Variants in SULT6B1 observed in about 807,000 individuals in gnomAD.
SULT6B1 encodes the protein sulfotransferase 6B1.
Under a neutral mutation model 37.2 loss-of-function variants are expected in SULT6B1, and 44 were observed. The ratio of observed to expected loss-of-function variants is 1.18; its 90% CI spans 0.93 to 1.52. The LOEUF (loss-of-function observed/expected upper bound fraction) is 1.52, where lower values mean the gene tolerates loss of function less well. Among genes scored for constraint, SULT6B1 ranks in the 40% most tolerant of loss-of-function variants. The pLI, the probability that SULT6B1 is intolerant of heterozygous loss-of-function variation, is 0.00. For synonymous variants in SULT6B1, 140 were observed against 126.0 expected (o/e 1.11, Z -0.74); for missense variants, 450 against 361.0 (o/e 1.25, Z -2.00).
In SULT6B1 at chr2:37,176,872, T is replaced by C. The variant is rs114314810; in HGVS notation, c.530-1646A>G. Among the ~76,000 whole-genome samples the C allele has an allele frequency of 5.8e-3, 881 of 152,284 alleles. 13 individuals are homozygous for C. The highest frequency in any genetic ancestry group is 0.02 in the African/African-American group (845 of 41,554). ...TGCTGGAAGGTTTCTGGCAAAACTA[T>C]TGCTGTGTGGAGCTAAGGAACACAT... is the stretch of plus-strand genomic sequence containing the variant. On this transcript the variant is annotated intron_variant, in intron 4 of 6. Coordinates refer to ENST00000535679, the MANE Select transcript of SULT6B1 (RefSeq NM_001367551.1).
At chr2:37,170,118 T>C (rs767284436) in intron 6 of SULT6B1, among the ~76,000 whole-genome samples, 37 of 152,214 alleles carry the variant, frequency 2.4e-4, no homozygotes, top group Admixed American at 2.4e-3. Context: ...TATGCCTGGC[T>C]TAAAAAAGTC....
In SULT6B1 at chr2:37,183,449, C is replaced by A; in HGVS notation, c.378G>T (p.Gly126=). 1 of 1,614,008 alleles carries A rather than the reference C, an allele frequency of 6.2e-7. No homozygotes were observed. Among genetic ancestry groups the A allele is most frequent in the Non-Finnish European group, 8.5e-7 (1 of 1,179,892 alleles). The stretch of plus-strand genomic sequence containing the variant: ...CCTTGGCTTTATTCTCGAAGATAGA[C>A]CCAGGTAATTTGTCATAGTGGAGGT... ...ATHLHYDKLP[G]SIFENKAKIL... Residue 126 remains glycine (G), a synonymous_variant, in exon 3 of 7, where the codon GGG becomes GGT. Transcript: ENST00000535679.
chr2:37,181,826 A>G (rs111296845), intron 3 of SULT6B1, among the ~76,000 whole-genome samples: 4,989 of 152,286 alleles, frequency 0.033, 104 homozygotes, highest in Non-Finnish European at 0.035. Context: ...ACTGCATTCA[A>G]TGGGGGAAAT....
intron 2 of SULT6B1, among the ~76,000 whole-genome samples, chr2:37,184,175 T>C (rs1182135131): frequency 6.6e-6 from 1 of 152,252 alleles, no homozygotes; most frequent in Non-Finnish European, 1.5e-5. Context: ...GATTCTCTTC[T>C]GTATTCAAGG....
intron 2 of SULT6B1, among the ~76,000 whole-genome samples, chr2:37,183,767 C>T (rs1012285939): frequency 6.6e-6 from 1 of 152,146 alleles, no homozygotes; most frequent in African/African-American, 2.4e-5. Flanking sequence ...TCTCAGCCTC[C>T]CGAGTAGCTG....
chr2:37,171,492 G>T lies in SULT6B1; in HGVS notation c.723C>A (p.Ala241=), dbSNP rs1572454761. The change falls in exon 6 of 7, where the codon GCC becomes GCA. Residue 241 remains alanine (A), a synonymous_variant. Coordinates refer to ENST00000535679, the MANE Select transcript of SULT6B1 (RefSeq NM_001367551.1). ...QTISVQSTFQ[A]MRAKSQDTHG... is the part of the protein sequence containing the mutation. ...GTGTGTCCTGAGACTTCGCACGCAT[G>T]GCTTGGAAGGTGCTCTGGACTGAGA... 1 of 1,614,192 alleles carries T rather than the reference G, an allele frequency of 6.2e-7. No homozygotes were observed. Among genetic ancestry groups the T allele is most frequent in the Non-Finnish European group, 8.5e-7 (1 of 1,180,036 alleles).
chr2:37,173,817 A>G (rs758287514), intron 5 of SULT6B1, among the ~76,000 whole-genome samples: 3 of 152,150 alleles, frequency 2.0e-5, no homozygotes, highest in Non-Finnish European at 4.4e-5. Flanking sequence ...CTTTGCCTGG[A>G]CTATTGCAGT....
At chr2:37,181,778 C>T (rs1379192100) in intron 3 of SULT6B1, among the ~76,000 whole-genome samples, 1 of 152,172 alleles carries the variant, frequency 6.6e-6, no homozygotes, top group Non-Finnish European at 1.5e-5. Context: ...ATTACTTCAG[C>T]TCTGTTTATT....
At chr2:37,183,569 T>G (rs924573605) in intron 2 of SULT6B1, 55 bp from the exon 3 acceptor site, 1 of 1,355,972 alleles carries the variant, frequency 7.4e-7, no homozygotes, top group Non-Finnish European at 1.1e-6. Flanking sequence ...TGTGTGTGTG[T>G]GTGTTGAATC....
intron 5 of SULT6B1, among the ~76,000 whole-genome samples, chr2:37,173,530 AC>A (rs1676351185): frequency 6.6e-6 from 1 of 152,130 alleles, no homozygotes; most frequent in African/African-American, 2.4e-5. Flanking sequence ...CGACTAATAA[AC>A]ATCTCAAATT....
At chr2:37,184,377 T>C (rs542283436) in intron 2 of SULT6B1, among the ~76,000 whole-genome samples, 3 of 152,354 alleles carry the variant, frequency 2.0e-5, no homozygotes, top group South Asian at 4.1e-4. Flanking sequence ...CAAAGGTGAT[T>C]GATTCTTTTT....
upstream of SULT6B1, among the ~76,000 whole-genome samples, chr2:37,190,735 G>A (rs550441754): frequency 6.6e-6 from 1 of 152,276 alleles, no homozygotes; most frequent in Admixed American, 6.5e-5. Context: ...ATGTATGGGA[G>A]ACATTTGGGA....
At chr2:37,190,432 A>G (rs747193468), upstream of SULT6B1, among the ~76,000 whole-genome samples, 2 of 152,210 alleles carry the variant, frequency 1.3e-5, no homozygotes, top group Non-Finnish European at 2.9e-5. Flanking sequence ...AGGGTAGCTA[A>G]CATTATTGAG....
chr2:37,167,849 T>G lies in SULT6B1; in HGVS notation c.*86A>C. 8.6e-7 allele frequency: 1 copy of G among 1,166,600 alleles called. No homozygotes were observed. The highest frequency in any genetic ancestry group is 1.2e-6 in the Non-Finnish European group (1 of 859,780). 72.3% of individuals were successfully genotyped at this position (1,166,600 alleles called of 1,614,324 possible). A position where few individuals can be genotyped will look rare whatever the true frequency, so the allele number is the denominator to read the frequency against. On this transcript the variant is annotated 3_prime_UTR_variant, in exon 7 of 7. Transcript: ENST00000535679. ...ATTTCAATATTGTTTAATTATTATT[T>G]GATTATTTGATTGAATTATCATTTA...
chr2:37,179,221 G>A (rs1315401996), intron 4 of SULT6B1, among the ~76,000 whole-genome samples: 1 of 152,168 alleles, frequency 6.6e-6, no homozygotes, highest in Non-Finnish European at 1.5e-5. Flanking sequence ...GCCTCCCAAA[G>A]TGCTGGGATT....
At chr2:37,189,451 A>T (rs1275188008), upstream of SULT6B1, among the ~76,000 whole-genome samples, 1 of 152,242 alleles carries the variant, frequency 6.6e-6, no homozygotes, top group African/African-American at 2.4e-5. Context: ...ACCCAAGTGG[A>T]TGACTTCAAG....
chr2:37,177,446 AAAAAGAG>A (rs1417101432), intron 4 of SULT6B1, among the ~76,000 whole-genome samples: 1 of 135,138 alleles, frequency 7.4e-6, no homozygotes, highest in East Asian at 4.0e-4. Flanking sequence ...AAGAAAGAAA[AAAAAGAG>A]AAGAATACAG....
chr2:37,180,475 A>T (rs1200207245), intron 3 of SULT6B1, among the ~76,000 whole-genome samples: 2 of 152,258 alleles, frequency 1.3e-5, no homozygotes, highest in Admixed American at 1.3e-4. Flanking sequence ...AGAACAAGTC[A>T]GCTAACACCT....
intron 4 of SULT6B1, among the ~76,000 whole-genome samples, chr2:37,176,451 G>C (rs1290135957): frequency 6.6e-6 from 1 of 151,784 alleles, no homozygotes; most frequent in Non-Finnish European, 1.5e-5. Flanking sequence ...GTAGAGACGA[G>C]GTTTCACCAT....
Sources: gnomAD v4.1 joint callset for allele counts (sites outside exome capture counted in the v4.1 genomes callset) on GRCh38, gnomAD v4.1.1 for gene constraint, MANE v1.5 for transcripts, NCBI Gene and HGNC (gene_info 2026-07-23, HGNC 2026-07-21) for gene names.